VDAC3: variants seen among roughly 807,000 people sequenced by gnomAD.
The protein encoded by VDAC3 is voltage dependent anion channel 3.
A neutral mutation model predicts 33.9 loss-of-function variants in VDAC3; 7 were observed. The ratio of observed to expected loss-of-function variants is 0.21; its 90% CI spans 0.12 to 0.39. VDAC3 has a LOEUF of 0.39. VDAC3 is among the 10% of genes least tolerant of loss of function. The pLI is 1.00. For synonymous variants in VDAC3, 100 were observed against 122.4 expected, an observed-to-expected ratio of 0.82 and a Z score of 1.21; for missense variants, 261 against 334.5, an observed-to-expected ratio of 0.78 and a Z score of 1.71.
At chr8:42,403,190 T>G in intron 7 of VDAC3, 121 bp from the exon 8 acceptor site, 1 of 1,153,176 alleles carries the variant, frequency 8.7e-7, no homozygotes, top group East Asian at 2.5e-5. Context: ...GCTAGAAATT[T>G]GCTGAAATCT....
At chr8:42,401,054 C>G (rs879729269) in intron 6 of VDAC3, among the ~76,000 whole-genome samples, 1 of 152,130 alleles carries the variant, frequency 6.6e-6, no homozygotes, top group Non-Finnish European at 1.5e-5. Context: ...AAGCATGCTT[C>G]TCTCCATGAT....
intron 3 of VDAC3, 69 bp from the exon 4 acceptor site, chr8:42,395,015 C>G: frequency 6.3e-7 from 1 of 1,595,104 alleles, no homozygotes; most frequent in South Asian, 1.1e-5. Context: ...TTCATAATTT[C>G]TGAGTTGCAA....
At position 42,403,570 on chromosome 8, in the gene VDAC3, C is replaced by T; in HGVS notation, c.702+109C>T. 5.9e-6 allele frequency: 7 copies of T among 1,193,946 alleles called. No homozygotes were observed. In the South Asian group the frequency reaches 1.1e-4, roughly 19 times the overall value. 74.0% of individuals were successfully genotyped at this position (1,193,946 alleles called of 1,614,324 possible). ...TTGTTCTTTATTAATTTTAATAAGC[C>T]AGCTCATTGTGTAGTGAAAGGAATA... On this transcript the variant is annotated intron_variant, in intron 8 of 9. Transcript: ENST00000022615.
At chr8:42,401,622 T>A (rs1193627386) in intron 6 of VDAC3, among the ~76,000 whole-genome samples, 166 bp from the exon 7 acceptor site, 1 of 152,226 alleles carries the variant, frequency 6.6e-6, no homozygotes, top group Non-Finnish European at 1.5e-5. Flanking sequence ...AAAATTATAT[T>A]TGTAGAACTA....
At position 42,398,926 on chromosome 8, in the gene VDAC3, C is replaced by G. The variant is rs1802367997; in HGVS notation, c.270+62C>G. ...TTTATCTTGTAGATTGAATGATGAA[C>G]ATACCCCAAATATAATCAAAAGAGA... is the stretch of plus-strand genomic sequence containing the variant. On this transcript the variant is annotated intron_variant, in intron 5 of 9. Transcript: ENST00000022615. The G allele has an allele frequency of 8.9e-6, 14 of 1,572,812 alleles. No homozygotes were observed. The South Asian group carries it at 1.6e-4, about 18-fold the overall frequency.
In VDAC3 at chr8:42,403,454, C is replaced by G. The variant is rs2130891584; in HGVS notation, c.695C>G (p.Ser232Cys). The change falls in exon 8 of 10, where the codon TCT becomes TGT. Residue 232 changes from serine (S) to cysteine (C), a missense_variant. Coordinates refer to ENST00000022615, the MANE Select transcript of VDAC3 (RefSeq NM_005662.7). ...AAGTACATGCTGGATTGTAGAACTT[C>G]TCTCTCTGTAAGAATGTGCTGCCAG... ...AAKYMLDCRT[S>C]LSAKVNNASL... 1.9e-6 allele frequency: 3 copies of G among 1,577,966 alleles called. No individual in the cohort carries two copies.
chr8:42,402,798 C>G (rs1802437254), intron 7 of VDAC3, among the ~76,000 whole-genome samples: 1 of 152,194 alleles, frequency 6.6e-6, no homozygotes, highest in South Asian at 2.1e-4. Flanking sequence ...CAAGGACTCA[C>G]CTCTGGCATG....
intron 3 of VDAC3, 83 bp from the exon 4 acceptor site, chr8:42,395,001 C>CTAT (rs1166442438): frequency 5.9e-6 from 9 of 1,526,666 alleles, no homozygotes; most frequent in African/African-American, 1.4e-5. Context: ...GTACTATAGG[C>CTAT]TATTTCATAA....
chr8:42,394,965 A>G, intron 3 of VDAC3, 119 bp from the exon 4 acceptor site: 1 of 1,156,570 alleles, frequency 8.6e-7, no homozygotes, highest in South Asian at 1.5e-5. Flanking sequence ...ACCCAATGAA[A>G]ATACTATGCA....
At position 42,396,348 on chromosome 8, in the gene VDAC3, C is replaced by T. The variant is rs557126406; in HGVS notation, c.117+1215C>T. Among the ~76,000 whole-genome samples the T allele has an allele frequency of 1.2e-4, 18 of 152,210 alleles. No homozygotes were observed. In the South Asian group the frequency reaches 2.9e-3, roughly 25 times the overall value. ...TCTGATTTCTCCTCATTGGCTGCAT[C>T]GTTTTTGGTATTTATCCATTCAAAC... is the stretch of plus-strand genomic sequence containing the variant. On this transcript the variant is annotated intron_variant, in intron 4 of 9. Transcript: ENST00000022615.
Position 42,399,172 on chromosome 8 carries a change from A to G in VDAC3, c.270+308A>G, listed in dbSNP as rs145619307. Among the ~76,000 whole-genome samples the G allele has an allele frequency of 8.2e-4, 125 of 152,334 alleles. 1 individual carries two copies. The East Asian group carries it at 0.021, about 25-fold the overall frequency. On this transcript the variant is annotated intron_variant, in intron 5 of 9. Coordinates refer to ENST00000022615, the MANE Select transcript of VDAC3 (RefSeq NM_005662.7). ...GTAATTGTTGAAAAATTGGCTTGACAGAAAAATTTTTCTAAAATGTTCTCA... is the reference window on the plus strand; with the variant it reads ...GTAATTGTTGAAAAATTGGCTTGACGGAAAAATTTTTCTAAAATGTTCTCA...
At chr8:42,400,142 C>T (rs913326352) in intron 6 of VDAC3, among the ~76,000 whole-genome samples, 3 of 151,984 alleles carry the variant, frequency 2.0e-5, no homozygotes, top group Admixed American at 6.6e-5. Context: ...TGGAAACCAT[C>T]CTGGCTAACA....
At chr8:42,392,266 C>CT (rs1824882447) in intron 1 of VDAC3, among the ~76,000 whole-genome samples, 1 of 152,256 alleles carries the variant, frequency 6.6e-6, no homozygotes, top group Non-Finnish European at 1.5e-5. Flanking sequence ...CCGCCCGCCC[C>CT]TGCCCCCTCC....
At chr8:42,399,421 T>A in intron 5 of VDAC3, 1 of 395,698 alleles carries the variant, frequency 2.5e-6, no homozygotes, top group Non-Finnish European at 4.7e-6. Flanking sequence ...GTATTTTATG[T>A]AACTTGCTAA....
In VDAC3 at chr8:42,395,114, C is replaced by G; in HGVS notation, c.98C>G (p.Thr33Ser). Residue 33 changes from threonine (T) to serine (S), a missense_variant, in exon 4 of 10, where the codon ACC becomes AGC. Physicochemically the swap from Thr to Ser is moderately conservative, Grantham distance 58. Transcript: ENST00000022615. ...GGCATGGTCAAGATAGACCTGAAAA[C>G]CAAGTCTTGTAGTGGAGTGGTGAGT... ...GFGMVKIDLK[T>S]KSCSGVEFST... The G allele has an allele frequency of 1.2e-6, 2 of 1,613,840 alleles. No homozygotes were observed. The highest frequency in any genetic ancestry group is 1.7e-6 in the Non-Finnish European group (2 of 1,179,938).
Position 42,402,135 on chromosome 8 carries a change from C to G in VDAC3, c.551+120C>G, listed in dbSNP as rs1000914837. The G allele has an allele frequency of 3.1e-5, 34 of 1,081,262 alleles. No individual in the cohort carries two copies. The East Asian group carries it at 6.0e-4, about 19-fold the overall frequency. The allele number at this position is 1,081,262 out of a possible 1,614,324, so 67.0% of individuals were successfully genotyped here. ...ATGCCTTGGTGAATATCCATCCTTG[C>G]GGTGCTATCCTCATAGCAAAACCTT... On this transcript the variant is annotated intron_variant, in intron 7 of 9. Transcript: ENST00000022615.
chr8:42,392,499 G>A (rs987608069), intron 1 of VDAC3, among the ~76,000 whole-genome samples: 2 of 152,194 alleles, frequency 1.3e-5, no homozygotes, highest in African/African-American at 4.8e-5. Context: ...CTTTACTCTC[G>A]AGGAACATGA....
chr8:42,396,299 A>T (rs1225830947), intron 4 of VDAC3, among the ~76,000 whole-genome samples: 1 of 152,208 alleles, frequency 6.6e-6, no homozygotes, highest in Non-Finnish European at 1.5e-5. Context: ...CTCAGCAAGT[A>T]GGTTAAGTTT....
At chr8:42,400,368 C>T (rs896039941) in intron 6 of VDAC3, among the ~76,000 whole-genome samples, 5 of 150,470 alleles carry the variant, frequency 3.3e-5, no homozygotes, top group Non-Finnish European at 5.9e-5. Flanking sequence ...TTTTCCCCCT[C>T]ACCCTCTCTT....
Sources: gnomAD v4.1 joint callset for allele counts (sites outside exome capture counted in the v4.1 genomes callset) on GRCh38, gnomAD v4.1.1 for gene constraint, MANE v1.5 for transcripts, NCBI Gene and HGNC (gene_info 2026-07-23, HGNC 2026-07-21) for gene names.